AGAP3: variants seen among roughly 807,000 people sequenced by gnomAD.
AGAP3 encodes arf-GAP with GTPase, ANK repeat and PH domain-containing protein 3.
A neutral mutation model predicts 96.9 loss-of-function variants in AGAP3; 24 were observed. The observed-to-expected ratio is 0.25, with a 90% CI of 0.18 to 0.35. The LOEUF is 0.35. Among genes scored for constraint, AGAP3 ranks in the 10% least tolerant of loss-of-function variants. The probability of loss-of-function intolerance (pLI) is 1.00; values close to 1 mark genes in which losing one functional copy is unlikely to be tolerated. For synonymous variants in AGAP3, 563 were observed against 536.1 expected (o/e 1.05, Z -0.69); for missense variants, 876 against 1,254.2 (o/e 0.70, Z 4.55).
chr7:151,117,563 T>C lies in AGAP3; in HGVS notation c.565-73T>C, dbSNP rs541051691. 5 of 1,612,022 alleles carry C rather than the reference T, an allele frequency of 3.1e-6. No individual in the cohort carries two copies. In the African/African-American group the frequency reaches 5.3e-5, roughly 17 times the overall value. ...GGTATGTCCAGGGAGAAGGGTCTACTTGAGTTCACCTGCCCTGCATGGGAG... is the reference window on the plus strand; with the variant it reads ...GGTATGTCCAGGGAGAAGGGTCTACCTGAGTTCACCTGCCCTGCATGGGAG... On this transcript the variant is annotated intron_variant, in intron 4 of 17. Coordinates refer to ENST00000397238, the MANE Select transcript of AGAP3 (RefSeq NM_031946.7).
intron 1 of AGAP3, among the ~76,000 whole-genome samples, chr7:151,104,111 C>A (rs977844275): frequency 6.6e-6 from 1 of 152,154 alleles, no homozygotes; most frequent in Non-Finnish European, 1.5e-5. Flanking sequence ...AAATAAACTG[C>A]CCCGCACAAC....
At chr7:151,106,550 C>CCA (rs1162633664) in intron 1 of AGAP3, among the ~76,000 whole-genome samples, 1 of 151,872 alleles carries the variant, frequency 6.6e-6, no homozygotes, top group African/African-American at 2.4e-5. Context: ...CAGTCTTGAC[C>CCA]CACTGCAGCC....
intron 8 of AGAP3, 136 bp from the exon 9 acceptor site, chr7:151,123,658 C>A (rs548538119): frequency 6.6e-7 from 1 of 1,516,340 alleles, no homozygotes; most frequent in East Asian, 2.4e-5. Context: ...AGTTCCTTCC[C>A]GTCCCGCCGC....
At chr7:151,122,375 G>A (rs1175126967) in intron 8 of AGAP3, among the ~76,000 whole-genome samples, 2 of 152,196 alleles carry the variant, frequency 1.3e-5, no homozygotes, top group Admixed American at 6.5e-5. Flanking sequence ...GTGTCCCCTC[G>A]CTGTGCCCTT....
chr7:151,125,282 G>A (rs756558475), intron 9 of AGAP3, among the ~76,000 whole-genome samples: 1 of 152,188 alleles, frequency 6.6e-6, no homozygotes, highest in East Asian at 1.9e-4. Flanking sequence ...GGGGTCCTAC[G>A]TGCTCCCTTT....
intron 1 of AGAP3, among the ~76,000 whole-genome samples, chr7:151,106,716 A>AT (rs1799070417): frequency 6.6e-6 from 1 of 152,042 alleles, no homozygotes; most frequent in Non-Finnish European, 1.5e-5. Context: ...ACCTCAGGTG[A>AT]TTCGCCCGCC....
At position 151,114,805 on chromosome 7, in the gene AGAP3, C is replaced by G; in HGVS notation, c.332-1988C>G. 8 of 1,055,602 alleles carry G rather than the reference C, an allele frequency of 7.6e-6. No homozygotes were observed. The highest frequency in any genetic ancestry group is 9.1e-6 in the Non-Finnish European group (8 of 876,618). The allele number at this position is 1,055,602 out of a possible 1,614,324, so 65.4% of individuals were successfully genotyped here. On this transcript the variant is annotated intron_variant, in intron 1 of 17. Transcript: ENST00000397238. This position sits in a 1 kb window ranked among gnomAD's most constrained non-coding sequence, Gnocchi z 4.4. Reference sequence around the variant, plus strand: ...GGCTGGCCGCAGGGGGACAGCTGTCCCGGGGAGCGGCCCGCCGCTTGCCGC... The same window carrying G: ...GGCTGGCCGCAGGGGGACAGCTGTCGCGGGGAGCGGCCCGCCGCTTGCCGC...
chr7:151,095,061 T>C (rs897349754), intron 1 of AGAP3, among the ~76,000 whole-genome samples: 5 of 150,314 alleles, frequency 3.3e-5, no homozygotes, highest in African/African-American at 1.2e-4. Context: ...AATTGTCTTG[T>C]AGAGTCAGGG....
At chr7:151,090,994 C>G (rs1798376051) in intron 1 of AGAP3, among the ~76,000 whole-genome samples, 1 of 152,222 alleles carries the variant, frequency 6.6e-6, no homozygotes, top group Non-Finnish European at 1.5e-5. Flanking sequence ...CCTGGCATCC[C>G]ACAGCCCTCA....
chr7:151,094,487 A>G (rs1262581050), intron 1 of AGAP3, among the ~76,000 whole-genome samples: 1 of 152,020 alleles, frequency 6.6e-6, no homozygotes, highest in Non-Finnish European at 1.5e-5. Flanking sequence ...AAGAAAAAAA[A>G]AAAAAAGACT....
At position 151,123,227 on chromosome 7, in the gene AGAP3, C is replaced by CT; in HGVS notation, c.1129-562dup. The CT allele has an allele frequency of 8.4e-6, 9 of 1,074,308 alleles. No homozygotes were observed. The South Asian group carries it at 2.6e-4, about 31-fold the overall frequency. 66.5% of individuals were successfully genotyped at this position (1,074,308 alleles called of 1,614,324 possible). ...CGCCGCCGCGCTTGCCTTGCCCCCT[C>CT]TTTTTGGCCTCCCCCTATTTCCTAG... On this transcript the variant is annotated intron_variant, in intron 8 of 17. Coordinates refer to ENST00000397238, the MANE Select transcript of AGAP3 (RefSeq NM_031946.7).
chr7:151,087,574 G>T (rs1169506561), intron 1 of AGAP3, among the ~76,000 whole-genome samples: 21 of 152,104 alleles, frequency 1.4e-4, no homozygotes, highest in Admixed American at 1.4e-3. Flanking sequence ...ACGCCGCGGC[G>T]GCCAAGCGGG....
Position 151,113,768 on chromosome 7 carries a change from C to T in AGAP3, c.332-3025C>T, listed in dbSNP as rs115877221. Among the ~76,000 whole-genome samples the T allele has an allele frequency of 5.8e-3, 883 of 152,324 alleles. 9 individuals carry two copies. The highest frequency in any genetic ancestry group is 0.02 in the African/African-American group (821 of 41,562). ...AGGACTGATGTTTACAATGCAGTGT[C>T]AATCACAGCCGGGGAGCTCTTGCCT... On this transcript the variant is annotated intron_variant, in intron 1 of 17. Coordinates refer to ENST00000397238, the MANE Select transcript of AGAP3 (RefSeq NM_031946.7).
intron 8 of AGAP3, chr7:151,123,038 G>T (rs775646999): frequency 7.5e-7 from 1 of 1,337,414 alleles, no homozygotes. Context: ...AGGCAGCTCG[G>T]CCCCACGCCC....
At chr7:151,094,845 C>G (rs1310051177) in intron 1 of AGAP3, among the ~76,000 whole-genome samples, 4 of 150,858 alleles carry the variant, frequency 2.7e-5, no homozygotes, top group Non-Finnish European at 5.9e-5. Flanking sequence ...TTCCCTCCTT[C>G]CCTCTGTCCC....
chr7:151,104,600 C>T (rs1032210795), intron 1 of AGAP3, among the ~76,000 whole-genome samples: 4 of 152,212 alleles, frequency 2.6e-5, no homozygotes, highest in South Asian at 2.1e-4. Context: ...CCATCAGAAG[C>T]GCCAGGGACT....
rs1357903202 is a variant in AGAP3 at position 151,133,048 on chromosome 7, AG to A, written c.1327-1350del. ...CAGGGTAGGAGGAGCGCGTCTGGGA[AG>A]GCTCGTCGCACGGCCGCCCTTAGGA... On this transcript the variant is annotated intron_variant, in intron 10 of 17. Transcript: ENST00000397238. This position sits in a 1 kb window ranked among gnomAD's most constrained non-coding sequence, Gnocchi z 5.4. Among the ~76,000 whole-genome samples the A allele has an allele frequency of 6.6e-6, 1 of 152,200 alleles. No homozygotes were observed. Among genetic ancestry groups the A allele is most frequent in the Non-Finnish European group, 1.5e-5 (1 of 68,026 alleles).
At chr7:151,124,403 C>T (rs747008078) in intron 9 of AGAP3, among the ~76,000 whole-genome samples, 4 of 152,266 alleles carry the variant, frequency 2.6e-5, no homozygotes, top group Non-Finnish European at 5.9e-5. Flanking sequence ...TTCTTCCACA[C>T]CTCCGGTCTT....
chr7:151,143,795 G>C lies in AGAP3; in HGVS notation c.2588G>C (p.Arg863Pro). The C allele has an allele frequency of 6.2e-7, 1 of 1,614,078 alleles. No homozygotes were observed. The highest frequency in any genetic ancestry group is 8.5e-7 in the Non-Finnish European group (1 of 1,180,048). Residue 863 changes from arginine to proline, a missense_variant, in exon 18 of 18, where the codon CGC (arginine) becomes CCC (proline). Around this residue, in one of 8 missense-constraint regions of AGAP3, gnomAD observed 213 missense variants for 253.8 expected, o/e 0.84. Transcript: ENST00000397238. The surrounding 1 kb of genome is among the most constrained non-coding windows in gnomAD (Gnocchi z 5.9). ...ARGLTPLAYA[R>P]RAGSQECADI... ...GGCCTGACTCCACTGGCATATGCTC[G>C]CCGGGCCGGCAGCCAGGAGTGTGCA...
Sources: gnomAD v4.1 joint callset for allele counts (sites outside exome capture counted in the v4.1 genomes callset) on GRCh38, gnomAD v4.1.1 for gene constraint, gnomAD v4.1.1 regional missense constraint, Gnocchi (gnomAD v3.1) non-coding constraint, MANE v1.5 for transcripts, NCBI Gene and HGNC (gene_info 2026-07-23, HGNC 2026-07-21) for gene names.